Variants in XKR5 observed in about 807,000 individuals in gnomAD.
XKR5 encodes XK-related protein 5.
A neutral mutation model predicts 40.8 loss-of-function variants in XKR5; 46 were observed. The observed-to-expected ratio is 1.13, with a 90% CI of 0.89 to 1.44. The LOEUF (loss-of-function observed/expected upper bound fraction) is 1.44, where lower values mean the gene tolerates loss of function less well. Ranked by LOEUF, XKR5 falls within the 40% of genes most tolerant of loss-of-function variation. The pLI is 0.00. For missense variants in XKR5, 1,169 were observed against 844.7 expected, an observed-to-expected ratio of 1.38 and a Z score of -4.76; for synonymous variants, 466 against 356.1, an observed-to-expected ratio of 1.31 and a Z score of -3.48.
chr8:6,816,372 A>T (rs1356476566), intron 5 of XKR5, among the ~76,000 whole-genome samples: 3 of 152,086 alleles, frequency 2.0e-5, no homozygotes, highest in Non-Finnish European at 4.4e-5. Flanking sequence ...CAACTTTAGG[A>T]TTTTGTTTCC....
chr8:6,817,487 A>G (rs745503786), intron 5 of XKR5, among the ~76,000 whole-genome samples: 17 of 152,044 alleles, frequency 1.1e-4, no homozygotes, highest in Middle Eastern at 3.4e-3. Context: ...CTCAGCACAT[A>G]TGATTCCCCT....
chr8:6,821,497 C>T (rs959397190), intron 5 of XKR5, among the ~76,000 whole-genome samples: 1 of 152,172 alleles, frequency 6.6e-6, no homozygotes, highest in Non-Finnish European at 1.5e-5. Context: ...AGGGCCATGC[C>T]TGGATCTTAT....
At chr8:6,819,625 T>C (rs1367887513) in intron 5 of XKR5, among the ~76,000 whole-genome samples, 4 of 152,190 alleles carry the variant, frequency 2.6e-5, no homozygotes, top group Non-Finnish European at 4.4e-5. Flanking sequence ...GCAGTGTGCA[T>C]GGTGAAGTGC....
rs1350361115 is a variant in XKR5, at chr8:6,825,055, A to G, written c.427+110T>C. 10 of 1,320,862 alleles carry G rather than the reference A, an allele frequency of 7.6e-6. No homozygotes were observed. In the East Asian group the frequency reaches 2.5e-4, roughly 33 times the overall value. 81.8% of individuals were successfully genotyped at this position (1,320,862 alleles called of 1,614,324 possible). ...GTGCCAGTGAGCTCAAGGTGCCCTAATGCTCCTAAGCAGAGGAAATCTCGA... is the reference window on the plus strand; with the variant it reads ...GTGCCAGTGAGCTCAAGGTGCCCTAGTGCTCCTAAGCAGAGGAAATCTCGA... On this transcript the variant is annotated intron_variant, in intron 3 of 6. Transcript: ENST00000618742.
At chr8:6,823,376 C>T (rs1563356315) in intron 4 of XKR5, 145 bp downstream of exon 4, 2 of 808,212 alleles carry the variant, frequency 2.5e-6, no homozygotes, top group East Asian at 5.4e-5. Context: ...ATCTCTGAGG[C>T]CACCCAAGCA....
chr8:6,816,735 T>A (rs1201402047), intron 5 of XKR5, among the ~76,000 whole-genome samples: 1 of 147,528 alleles, frequency 6.8e-6, no homozygotes, highest in African/African-American at 2.5e-5. Context: ...TAATATATAT[T>A]TTAATATATT....
intron 5 of XKR5, among the ~76,000 whole-genome samples, chr8:6,819,753 C>T (rs545125893): frequency 2.6e-5 from 4 of 152,108 alleles, no homozygotes; most frequent in Admixed American, 6.5e-5. Context: ...AGGTTATCCT[C>T]GGAGTTATGT....
intron 2 of XKR5, among the ~76,000 whole-genome samples, chr8:6,830,224 A>G (rs1020196137): frequency 7.9e-5 from 12 of 152,198 alleles, no homozygotes; most frequent in African/African-American, 2.7e-4. Flanking sequence ...AGGACACTCA[A>G]AGTGACCTAT....
intron 1 of XKR5, among the ~76,000 whole-genome samples, chr8:6,833,423 T>A (rs143269536): frequency 0.012 from 1,886 of 152,228 alleles, 13 homozygotes; most frequent in Non-Finnish European, 0.021. Context: ...CTTTCCAGAG[T>A]CTCTCCTGTG....
In XKR5 at chr8:6,825,275, T is replaced by C; in HGVS notation, c.317A>G (p.Glu106Gly). The change falls in exon 3 of 7, where the codon GAG becomes GGG. Residue 106 changes from glutamate to glycine, a missense_variant. Glu to Gly is a moderately conservative substitution (Grantham distance 98). Coordinates refer to ENST00000618742, the MANE Select transcript of XKR5 (RefSeq NM_207411.5). ...APHRGWLQLQEADLSALRLLE... is the reference protein window; with the variant it reads ...APHRGWLQLQGADLSALRLLE... The stretch of plus-strand genomic sequence containing the variant: ...GAGTCGAAGGGCCGACAGGTCGGCC[T>C]CCTGCAGCTGCAGCCAGCCTCGGTG... 6.2e-7 allele frequency: 1 copy of C among 1,609,966 alleles called. No individual in the cohort carries two copies.
chr8:6,827,852 G>A (rs554874188), intron 2 of XKR5, among the ~76,000 whole-genome samples: 2 of 152,162 alleles, frequency 1.3e-5, no homozygotes, highest in East Asian at 3.9e-4. Flanking sequence ...GATTGCTTGA[G>A]CTTGGGAGTT....
chr8:6,811,301 G>C lies in XKR5; in HGVS notation c.1958C>G (p.Thr653Ser), dbSNP rs376966350. ...GGACGTGAGGCAGGGCTCATGGGCA[G>C]TCCTCAGCTGTGGCAATGACACCCA... ...GVWVSLPQLRTAHEPCLTSTP... is the reference protein window; with the variant it reads ...GVWVSLPQLRSAHEPCLTSTP... The change falls in exon 7 of 7, where the codon ACT (threonine) becomes AGT (serine). Residue 653 changes from threonine (T) to serine (S), a missense_variant. Physicochemically the swap from Thr to Ser is moderately conservative, Grantham distance 58 (BLOSUM62 1). Coordinates refer to ENST00000618742, the MANE Select transcript of XKR5 (RefSeq NM_207411.5). 5.6e-5 allele frequency: 86 copies of C among 1,537,188 alleles called. 1 individual carries two copies. The highest frequency in any genetic ancestry group is 7.2e-5 in the Non-Finnish European group (83 of 1,146,936).
At position 6,811,367 on chromosome 8, in the gene XKR5, T is replaced by A. The variant is rs771959650; in HGVS notation, c.1892A>T (p.Glu631Val). Reference protein sequence around the residue: ...LSISELEEPLEPKRELSHHAA... With the variant: ...LSISELEEPLVPKRELSHHAA... ...ATGGTGACTTAGCTCCCTTTTGGGC[T>A]CCAGCGGCTCCTCTAGCTCTGAGAT... is the stretch of plus-strand genomic sequence containing the variant. The change falls in exon 7 of 7, where the codon GAG (glutamate) becomes GTG (valine). Residue 631 changes from glutamate to valine, a missense_variant. By Grantham distance (121) the Glu-to-Val change is moderately radical. Transcript: ENST00000618742. 1 of 1,537,356 alleles carries A rather than the reference T, an allele frequency of 6.5e-7. No individual in the cohort carries two copies. Among genetic ancestry groups the A allele is most frequent in the Non-Finnish European group, 8.7e-7 (1 of 1,146,932 alleles).
chr8:6,826,651 G>T (rs1804497657), intron 2 of XKR5, among the ~76,000 whole-genome samples: 1 of 152,182 alleles, frequency 6.6e-6, no homozygotes, highest in Non-Finnish European at 1.5e-5. Context: ...GGAATGTGAG[G>T]ATGGGTGGAG....
chr8:6,833,213 G>T (rs1804851524), intron 1 of XKR5, among the ~76,000 whole-genome samples: 1 of 152,188 alleles, frequency 6.6e-6, no homozygotes, highest in Non-Finnish European at 1.5e-5. Context: ...GGAAACTAGG[G>T]ACCACCCTTA....
At chr8:6,814,268 A>G (rs1271411508) in intron 6 of XKR5, among the ~76,000 whole-genome samples, 1 of 152,200 alleles carries the variant, frequency 6.6e-6, no homozygotes, top group Non-Finnish European at 1.5e-5. Context: ...TCGACGATGA[A>G]ACAAGCTGTG....
Position 6,812,193 on chromosome 8 carries a change from T to C in XKR5, c.1066A>G (p.Lys356Glu), listed in dbSNP as rs1226606751. Residue 356 changes from lysine to glutamate, a missense_variant, in exon 7 of 7, where the codon AAG (lysine) becomes GAG (glutamate). Lys to Glu is a moderately conservative substitution (Grantham distance 56). Transcript: ENST00000618742. Reference protein sequence around the residue: ...DSPRATDLAGKRTESSGSCQG... With the variant: ...DSPRATDLAGERTESSGSCQG... ...CATGAGCCTGAGCTCTCGGTTCTCT[T>C]CCCAGCTAGATCTGTGGCCCGGGGA... The C allele has an allele frequency of 3.0e-5, 46 of 1,551,690 alleles. No homozygotes were observed. Among genetic ancestry groups the C allele is most frequent in the Non-Finnish European group, 3.7e-5 (43 of 1,147,016 alleles).
chr8:6,827,917 C>A (rs2741085), intron 2 of XKR5, among the ~76,000 whole-genome samples: 116,188 of 151,976 alleles, frequency 0.76, 44,769 homozygotes, highest in African/African-American at 0.85. Context: ...CAAAACAAAA[C>A]AAAGAGCTGG....
Position 6,825,253 on chromosome 8 carries a change from T to C in XKR5, c.339A>G (p.Arg113=). The C allele has an allele frequency of 2.5e-6, 4 of 1,611,114 alleles. No homozygotes were observed. Among genetic ancestry groups the C allele is most frequent in the Non-Finnish European group, 3.4e-6 (4 of 1,178,994 alleles). The part of the protein sequence containing the change: ...QLQEADLSAL[R]LLEALLQTGP... ...CAGTCTGCAGCAGGGCCTCCAAGAG[T>C]CGAAGGGCCGACAGGTCGGCCTCCT... The change falls in exon 3 of 7, where the codon CGA becomes CGG. Residue 113 remains arginine (R), a synonymous_variant. Coordinates refer to ENST00000618742, the MANE Select transcript of XKR5 (RefSeq NM_207411.5).
Sources: gnomAD v4.1 joint callset for allele counts (sites outside exome capture counted in the v4.1 genomes callset) on GRCh38, gnomAD v4.1.1 for gene constraint, MANE v1.5 for transcripts, NCBI Gene and HGNC (gene_info 2026-07-23, HGNC 2026-07-21) for gene names.